Variants in PARM1 observed in about 807,000 individuals in gnomAD.
PARM1 encodes prostate androgen-regulated mucin-like protein 1, also known as WSC4, cell wall integrity and stress response component 4 homolog.
In PARM1, 14 loss-of-function variants were observed where a neutral mutation model predicts 24.6. The observed-to-expected ratio is 0.57, with a 90% CI of 0.38 to 0.89. PARM1 has a LOEUF of 0.89. Among genes scored for constraint, PARM1 ranks in the 40% least tolerant of loss-of-function variants. The pLI is 0.00. For synonymous variants in PARM1, 179 were observed against 156.6 expected (o/e 1.14, Z -1.07); for missense variants, 362 against 380.4 (o/e 0.95, Z 0.40).
chr4:75,027,138 A>T (rs1333851853), intron 2 of PARM1, among the ~76,000 whole-genome samples: 4 of 152,112 alleles, frequency 2.6e-5, no homozygotes. Flanking sequence ...ACAGGCAGAA[A>T]TACAGAGGCT....
At chr4:74,943,800 G>A (rs1721358079) in intron 1 of PARM1, among the ~76,000 whole-genome samples, 1 of 152,138 alleles carries the variant, frequency 6.6e-6, no homozygotes, top group Admixed American at 6.5e-5. Flanking sequence ...GAGTCTAAGG[G>A]AAGCACTATT....
rs1459649385 is a variant in PARM1, at chr4:75,048,553, A to T, written c.*2306A>T. On this transcript the variant is annotated 3_prime_UTR_variant, in exon 4 of 4. Transcript: ENST00000307428. ...AAAACATTTTGACACAATGTTTGTGAAACACCTTTGGAGAGGTGCACTTCT... is the reference window on the plus strand; with the variant it reads ...AAAACATTTTGACACAATGTTTGTGTAACACCTTTGGAGAGGTGCACTTCT... 1 of 152,246 alleles carries T rather than the reference A, an allele frequency of 6.6e-6. No homozygotes were observed. Among genetic ancestry groups the T allele is most frequent in the Non-Finnish European group, 1.5e-5 (1 of 68,042 alleles). The allele number at this position is 152,246 out of a possible 1,614,324, so 9.4% of individuals were successfully genotyped here. A position where few individuals can be genotyped will look rare whatever the true frequency, so the allele number is the denominator to read the frequency against.
chr4:74,987,007 G>A (rs967080494), intron 1 of PARM1, among the ~76,000 whole-genome samples: 12 of 152,068 alleles, frequency 7.9e-5, no homozygotes, highest in African/African-American at 2.9e-4. Context: ...GTAAGCACTT[G>A]AGTTTAATTG....
At chr4:75,044,144 C>A (rs1723553417) in intron 3 of PARM1, among the ~76,000 whole-genome samples, 1 of 151,980 alleles carries the variant, frequency 6.6e-6, no homozygotes, top group Admixed American at 6.5e-5. Context: ...ATAAGTATAC[C>A]AAATGCTTTT....
intron 3 of PARM1, among the ~76,000 whole-genome samples, chr4:75,042,971 G>A (rs1487841791): frequency 2.0e-5 from 3 of 151,442 alleles, no homozygotes; most frequent in Admixed American, 2.0e-4. Context: ...CAAAGTAAAG[G>A]CCAATCTTTT....
chr4:75,036,274 G>T (rs951281647), intron 3 of PARM1, among the ~76,000 whole-genome samples: 1 of 152,134 alleles, frequency 6.6e-6, no homozygotes, highest in Admixed American at 6.5e-5. Context: ...CTTCACTTTG[G>T]CAAGAATTCA....
At chr4:74,947,126 A>G (rs1334429112) in intron 1 of PARM1, among the ~76,000 whole-genome samples, 4 of 152,212 alleles carry the variant, frequency 2.6e-5, no homozygotes, top group African/African-American at 9.6e-5. Context: ...AGTGTGATGC[A>G]CTCAGGTACT....
chr4:74,962,743 T>C (rs1039707586), intron 1 of PARM1, among the ~76,000 whole-genome samples: 5 of 152,208 alleles, frequency 3.3e-5, no homozygotes, highest in Non-Finnish European at 1.5e-5. Context: ...GAATGGTGGC[T>C]GCTAAGGGTT....
intron 2 of PARM1, among the ~76,000 whole-genome samples, chr4:75,024,135 G>A (rs1723137312): frequency 1.3e-5 from 2 of 152,114 alleles, no homozygotes; most frequent in Admixed American, 1.3e-4. Context: ...AGCCTGGCGT[G>A]GTAGCGGGCG....
chr4:74,978,066 C>T (rs1722171746), intron 1 of PARM1, among the ~76,000 whole-genome samples: 2 of 152,162 alleles, frequency 1.3e-5, no homozygotes, highest in South Asian at 4.1e-4. Flanking sequence ...GACAAGTCTG[C>T]AAAATAACTG....
At chr4:74,984,053 G>A (rs1722307059) in intron 1 of PARM1, among the ~76,000 whole-genome samples, 1 of 152,134 alleles carries the variant, frequency 6.6e-6, no homozygotes, top group Non-Finnish European at 1.5e-5. Context: ...CACCACATTT[G>A]GCTTTCTTGG....
intron 1 of PARM1, among the ~76,000 whole-genome samples, chr4:74,941,176 T>G (rs1182150806): frequency 6.6e-6 from 1 of 152,206 alleles, no homozygotes; most frequent in Non-Finnish European, 1.5e-5. Context: ...ATGTTTTATC[T>G]TAAAAATTAC....
chr4:74,948,119 T>C (rs1414085775), intron 1 of PARM1, among the ~76,000 whole-genome samples: 1 of 152,208 alleles, frequency 6.6e-6, no homozygotes, highest in Admixed American at 6.5e-5. Flanking sequence ...CTCAGATTTT[T>C]CCCTGTGTTC....
chr4:75,035,244 C>A (rs1410084733), intron 3 of PARM1, among the ~76,000 whole-genome samples: 1 of 152,146 alleles, frequency 6.6e-6, no homozygotes. Context: ...TTATTGCTAT[C>A]ATTTTGTTTT....
chr4:74,987,240 G>A (rs950859117), intron 1 of PARM1, among the ~76,000 whole-genome samples: 3 of 151,936 alleles, frequency 2.0e-5, no homozygotes, highest in Non-Finnish European at 2.9e-5. Flanking sequence ...AATCTGGTCC[G>A]GCACTGGTAA....
At chr4:74,978,621 T>C (rs1722184583) in intron 1 of PARM1, among the ~76,000 whole-genome samples, 1 of 152,168 alleles carries the variant, frequency 6.6e-6, no homozygotes, top group Non-Finnish European at 1.5e-5. Context: ...CTAATAGATA[T>C]ATACAAAACT....
intron 3 of PARM1, among the ~76,000 whole-genome samples, chr4:75,042,884 C>A (rs1374598124): frequency 6.6e-6 from 1 of 151,284 alleles, no homozygotes; most frequent in Non-Finnish European, 1.5e-5. Context: ...TCATCCATAT[C>A]TCTTGTATAT....
At chr4:75,017,264 C>T (rs879635681) in intron 2 of PARM1, among the ~76,000 whole-genome samples, 5 of 152,164 alleles carry the variant, frequency 3.3e-5, no homozygotes, top group Admixed American at 6.5e-5. Flanking sequence ...AATCACTCCC[C>T]GCTCTGAATC....
At chr4:74,968,609 T>A (rs1721958504) in intron 1 of PARM1, among the ~76,000 whole-genome samples, 1 of 152,188 alleles carries the variant, frequency 6.6e-6, no homozygotes, top group African/African-American at 2.4e-5. Flanking sequence ...CTGGATGTGG[T>A]CTTGTTGACT....
Sources: allele counts gnomAD v4.1 joint callset (sites outside exome capture counted in the v4.1 genomes callset), GRCh38; gene constraint gnomAD v4.1.1; transcripts MANE v1.5; gene names NCBI Gene and HGNC (gene_info 2026-07-23, HGNC 2026-07-21).